Variants in ADAM32 observed in about 807,000 individuals in gnomAD.
ADAM32 encodes the protein ADAM metallopeptidase domain 32.
Under a neutral mutation model 114.9 loss-of-function variants are expected in ADAM32, and 89 were observed. The ratio of observed to expected loss-of-function variants is 0.77; its 90% CI spans 0.65 to 0.92. The LOEUF (loss-of-function observed/expected upper bound fraction) is 0.92. ADAM32 is among the 40% of genes least tolerant of loss of function. The pLI is 0.00. For missense variants in ADAM32, 870 were observed against 932.8 expected (o/e 0.93, Z 0.88); for synonymous variants, 285 against 307.5 (o/e 0.93, Z 0.77).
chr8:39,107,927 T>G lies in ADAM32; in HGVS notation c.58+94T>G, dbSNP rs1839994501. ...CCGGGGCCCTCCCTGTCTGGGTCCC[T>G]TTGGTCCTGTCACCCTGGCAACGGG... On this transcript the variant is annotated intron_variant, in intron 1 of 24. Coordinates refer to ENST00000379907, the MANE Select transcript of ADAM32 (RefSeq NM_145004.7). The G allele has an allele frequency of 1.9e-5, 27 of 1,405,262 alleles. No individual in the cohort carries two copies. The South Asian group carries it at 3.4e-4, about 17-fold the overall frequency. 87.0% of individuals were successfully genotyped at this position (1,405,262 alleles called of 1,614,324 possible).
At chr8:39,119,014 T>C (rs1270445853) in intron 2 of ADAM32, among the ~76,000 whole-genome samples, 3 of 152,200 alleles carry the variant, frequency 2.0e-5, no homozygotes, top group South Asian at 4.1e-4. Flanking sequence ...ATATGTAAGC[T>C]TTTGTATTAG....
chr8:39,151,115 A>C (rs1292073892), intron 5 of ADAM32, among the ~76,000 whole-genome samples: 1 of 152,198 alleles, frequency 6.6e-6, no homozygotes, highest in Non-Finnish European at 1.5e-5. Flanking sequence ...AGAATTACTC[A>C]ATTACTGTTA....
In ADAM32 at chr8:39,118,145, G is replaced by T; in HGVS notation, c.118G>T (p.Asp40Tyr). 6.8e-7 allele frequency: 1 copy of T among 1,472,490 alleles called. No individual in the cohort carries two copies. Among genetic ancestry groups the T allele is most frequent in the South Asian group, 1.4e-5 (1 of 72,078 alleles). 91.2% of individuals were successfully genotyped at this position (1,472,490 alleles called of 1,614,324 possible). ...IPEKIQTNTN[D>Y]SSEIEYEQIS... ...AGAGAAAATCCAAACAAATACAAAT[G>T]ACAGTTCAGAAATAGAATATGTAAG... is the stretch of plus-strand genomic sequence containing the variant. The change falls in exon 2 of 25, where the codon GAC becomes TAC. Residue 40 changes from aspartate to tyrosine, a missense_variant. Coordinates refer to ENST00000379907, the MANE Select transcript of ADAM32 (RefSeq NM_145004.7).
intron 3 of ADAM32, 127 bp downstream of exon 3, chr8:39,136,845 A>ATGCTGT: frequency 1.5e-6 from 1 of 654,720 alleles, no homozygotes; most frequent in Non-Finnish European, 2.4e-6. Flanking sequence ...AAGTGAAGAG[A>ATGCTGT]TGCTGTCCTG....
chr8:39,244,850 T>TA (rs554268244), intron 16 of ADAM32, among the ~76,000 whole-genome samples: 4,134 of 151,416 alleles, frequency 0.027, 212 homozygotes, highest in African/African-American at 0.095. Context: ...TAAAGTATAA[T>TA]AAAAAAAAGA....
At chr8:39,129,180 T>C (rs1802295556) in intron 2 of ADAM32, among the ~76,000 whole-genome samples, 1 of 151,052 alleles carries the variant, frequency 6.6e-6, no homozygotes, top group African/African-American at 2.4e-5. Context: ...ATCATGCCAC[T>C]GCAAATACAG....
At chr8:39,187,562 C>T (rs561480868) in intron 11 of ADAM32, among the ~76,000 whole-genome samples, 12 of 152,288 alleles carry the variant, frequency 7.9e-5, no homozygotes, top group South Asian at 2.1e-4. Context: ...TGAGCCACCG[C>T]GCCCGGCCAG....
chr8:39,284,234 T>C (rs767604267), intron 24 of ADAM32, among the ~76,000 whole-genome samples: 1 of 152,180 alleles, frequency 6.6e-6, no homozygotes, highest in East Asian at 1.9e-4. Context: ...ACCTACAAGA[T>C]GTAAGATCTG....
chr8:39,134,512 C>G (rs1002246256), intron 2 of ADAM32, among the ~76,000 whole-genome samples: 4 of 152,268 alleles, frequency 2.6e-5, no homozygotes, highest in African/African-American at 7.2e-5. Flanking sequence ...CAGAGGTTCC[C>G]TGTCACTTCC....
chr8:39,146,889 A>C (rs957667676), intron 3 of ADAM32, among the ~76,000 whole-genome samples: 1 of 152,194 alleles, frequency 6.6e-6, no homozygotes. Context: ...AAAGATTCAG[A>C]TAGTAAATGT....
At chr8:39,282,502 T>C (rs1161111215) in intron 23 of ADAM32, among the ~76,000 whole-genome samples, 1 of 152,148 alleles carries the variant, frequency 6.6e-6, no homozygotes, top group Non-Finnish European at 1.5e-5. Context: ...TACACTGGAT[T>C]TGGGGAGTAT....
intron 2 of ADAM32, among the ~76,000 whole-genome samples, chr8:39,123,395 C>T (rs7816790): frequency 0.033 from 5,063 of 152,130 alleles, 290 homozygotes; most frequent in African/African-American, 0.12. Flanking sequence ...ACATTTAACT[C>T]TATCTCCTTA....
chr8:39,168,715 G>A (rs935118547), intron 9 of ADAM32: 1 of 152,148 alleles, frequency 6.6e-6, no homozygotes. Context: ...TATAGAGTAT[G>A]GAATTCATAG....
At chr8:39,177,366 C>A (rs1805593782) in intron 10 of ADAM32, among the ~76,000 whole-genome samples, 1 of 152,056 alleles carries the variant, frequency 6.6e-6, no homozygotes, top group Non-Finnish European at 1.5e-5. Context: ...TCCCAGCCAT[C>A]CCTTTATTTT....
upstream of ADAM32, chr8:39,107,669 T>C: frequency 6.5e-7 from 1 of 1,530,816 alleles, no homozygotes. Context: ...CGGAGAACGC[T>C]GTCCCATGAA....
chr8:39,176,291 G>A (rs1221020076), intron 10 of ADAM32, among the ~76,000 whole-genome samples: 1 of 151,958 alleles, frequency 6.6e-6, no homozygotes, highest in Admixed American at 6.6e-5. Context: ...TTTTTGATTT[G>A]AGATATTTCT....
intron 1 of ADAM32, among the ~76,000 whole-genome samples, chr8:39,110,420 C>T (rs756373705): frequency 6.6e-6 from 1 of 152,068 alleles, no homozygotes; most frequent in Admixed American, 6.6e-5. Flanking sequence ...GGATCTACCA[C>T]AGTTTATTTA....
intron 19 of ADAM32, among the ~76,000 whole-genome samples, chr8:39,261,554 T>C (rs1057353665): frequency 7.2e-5 from 11 of 152,236 alleles, no homozygotes; most frequent in Non-Finnish European, 1.6e-4. Flanking sequence ...TGGTTTCCTT[T>C]CCTTTGGATA....
intron 2 of ADAM32, among the ~76,000 whole-genome samples, chr8:39,123,316 C>T (rs951400232): frequency 2.6e-5 from 4 of 152,104 alleles, no homozygotes; most frequent in African/African-American, 9.7e-5. Context: ...TCCAAAATTG[C>T]TTTGACTATT....
Sources: allele counts gnomAD v4.1 joint callset (sites outside exome capture counted in the v4.1 genomes callset), GRCh38; gene constraint gnomAD v4.1.1; transcripts MANE v1.5; gene names NCBI Gene and HGNC (gene_info 2026-07-23, HGNC 2026-07-21).